NLGN1: variants seen among roughly 807,000 people sequenced by gnomAD.
The protein encoded by NLGN1 is neuroligin-1.
A neutral mutation model predicts 65.5 loss-of-function variants in NLGN1; 12 were observed. The ratio of observed to expected loss-of-function variants is 0.18; its 90% CI spans 0.12 to 0.30. The LOEUF is 0.30. Among genes scored for constraint, NLGN1 ranks in the 10% least tolerant of loss-of-function variants. The pLI is 1.00. For synonymous variants in NLGN1, 350 were observed against 359.5 expected, an observed-to-expected ratio of 0.97 and a Z score of 0.30; for missense variants, 750 against 1,007.1, an observed-to-expected ratio of 0.74 and a Z score of 3.46.
At chr3:173,642,114 A>C (rs773377764) in intron 3 of NLGN1, among the ~76,000 whole-genome samples, 2 of 152,044 alleles carry the variant, frequency 1.3e-5, no homozygotes, top group Non-Finnish European at 2.9e-5. Context: ...CAGAGACTGG[A>C]TCTACCTCTT....
At chr3:174,286,606 G>A (rs1290631695) in exon 7 of NLGN1, 3 of 151,552 alleles carry the variant, frequency 2.0e-5, no homozygotes, top group African/African-American at 2.4e-5. Context: ...CATTAAAAAC[G>A]TGTTTATTAT....
At chr3:174,103,947 C>T (rs1713144740) in intron 4 of NLGN1, among the ~76,000 whole-genome samples, 2 of 152,022 alleles carry the variant, frequency 1.3e-5, no homozygotes, top group South Asian at 4.1e-4. Flanking sequence ...ATATAGATTA[C>T]TGGCAACATT....
At chr3:173,557,332 A>G (rs1165479010) in intron 2 of NLGN1, among the ~76,000 whole-genome samples, 3 of 150,718 alleles carry the variant, frequency 2.0e-5, no homozygotes, top group East Asian at 2.1e-4. Context: ...TTTTTAACCC[A>G]TTTCTGTCTT....
At chr3:173,838,993 A>G (rs1724217036) in intron 4 of NLGN1, among the ~76,000 whole-genome samples, 1 of 151,552 alleles carries the variant, frequency 6.6e-6, no homozygotes, top group Non-Finnish European at 1.5e-5. Context: ...TCAGAAAGCC[A>G]TTTTTCGTGT....
intron 4 of NLGN1, among the ~76,000 whole-genome samples, chr3:174,133,948 TAAG>T (rs970936150): frequency 3.4e-5 from 5 of 147,900 alleles, no homozygotes; most frequent in Non-Finnish European, 7.5e-5. Flanking sequence ...TGAGCCTTTT[TAAG>T]ATTTAGAAGC....
chr3:174,124,970 T>C (rs1718629030), intron 4 of NLGN1, among the ~76,000 whole-genome samples: 1 of 151,980 alleles, frequency 6.6e-6, no homozygotes, highest in South Asian at 2.1e-4. Flanking sequence ...GGTGCAGGCT[T>C]GGGACACTTG....
intron 4 of NLGN1, among the ~76,000 whole-genome samples, chr3:173,977,052 G>T (rs1461625397): frequency 6.6e-6 from 1 of 151,508 alleles, no homozygotes; most frequent in Non-Finnish European, 1.5e-5. Flanking sequence ...AATAGTCAAA[G>T]TACTTCTTTT....
At chr3:174,247,448 G>A (rs527865244) in intron 4 of NLGN1, among the ~76,000 whole-genome samples, 4 of 152,152 alleles carry the variant, frequency 2.6e-5, no homozygotes, top group Non-Finnish European at 2.9e-5. Flanking sequence ...TCTGTTAAGA[G>A]TCTGTCTCTC....
At chr3:173,801,906 G>A (rs1284780528) in intron 3 of NLGN1, among the ~76,000 whole-genome samples, 1 of 152,056 alleles carries the variant, frequency 6.6e-6, no homozygotes, top group Non-Finnish European at 1.5e-5. Flanking sequence ...TGACATTGTA[G>A]AACATTAATT....
chr3:173,436,069 G>T (rs11914530), intron 2 of NLGN1, among the ~76,000 whole-genome samples: 3,979 of 152,196 alleles, frequency 0.026, 183 homozygotes, highest in African/African-American at 0.09. Flanking sequence ...CATGATGTAT[G>T]TTATTAGAGC....
At position 173,625,308 on chromosome 3, in the gene NLGN1, A is replaced by C. The variant is rs576489199; in HGVS notation, c.493+20217A>C. Among the ~76,000 whole-genome samples, 3 of 152,156 alleles carry C rather than the reference A, an allele frequency of 2.0e-5. No individual in the cohort carries two copies. In the East Asian group the frequency reaches 5.8e-4, roughly 29 times the overall value. ...TGTGTTTTGAGATGTGTGTGTAAGT[A>C]TTTTATGATTGTACCTAACTATTTC... is the stretch of plus-strand genomic sequence containing the variant. On this transcript the variant is annotated intron_variant, in intron 3 of 6. Coordinates refer to ENST00000457714, the Ensembl canonical transcript of NLGN1.
At chr3:174,123,318 C>T (rs1179616209) in intron 4 of NLGN1, among the ~76,000 whole-genome samples, 1 of 152,032 alleles carries the variant, frequency 6.6e-6, no homozygotes, top group Non-Finnish European at 1.5e-5. Context: ...AAGAGACAGC[C>T]GAGAGCCCAT....
intron 4 of NLGN1, among the ~76,000 whole-genome samples, chr3:174,129,399 ACT>A (rs1553940877): frequency 1.0e-4 from 14 of 140,452 alleles, no homozygotes; most frequent in African/African-American, 2.3e-4. Flanking sequence ...ACACACACAC[ACT>A]CATTCATTCA....
At chr3:174,091,589 C>A (rs1744533529) in intron 4 of NLGN1, among the ~76,000 whole-genome samples, 1 of 152,108 alleles carries the variant, frequency 6.6e-6, no homozygotes, top group African/African-American at 2.4e-5. Context: ...GATTTTTAAT[C>A]CAAAAATACT....
intron 1 of NLGN1, among the ~76,000 whole-genome samples, chr3:173,413,076 T>C (rs620028): frequency 0.68 from 103,761 of 151,818 alleles, 35,827 homozygotes; most frequent in East Asian, 0.81. Context: ...TTTCCTTCTC[T>C]TTCTGCCTTG....
chr3:173,936,935 C>T (rs1020858675), intron 4 of NLGN1, among the ~76,000 whole-genome samples: 4 of 152,016 alleles, frequency 2.6e-5, no homozygotes, highest in Admixed American at 1.3e-4. Flanking sequence ...ATAAAACAGG[C>T]TTCTTCCTTA....
chr3:174,186,889 T>C (rs1021069277), intron 4 of NLGN1, among the ~76,000 whole-genome samples: 3 of 151,960 alleles, frequency 2.0e-5, no homozygotes, highest in Admixed American at 1.3e-4. Flanking sequence ...TAGCAATTGC[T>C]AAGTACAATT....
At chr3:174,244,708 G>C (rs1743480540) in intron 4 of NLGN1, among the ~76,000 whole-genome samples, 1 of 152,148 alleles carries the variant, frequency 6.6e-6, no homozygotes, top group Admixed American at 6.6e-5. Flanking sequence ...TCTTTTAAAA[G>C]GCAAATTTAA....
chr3:174,097,335 A>T (rs997980962), intron 4 of NLGN1, among the ~76,000 whole-genome samples: 3 of 152,192 alleles, frequency 2.0e-5, no homozygotes, highest in Non-Finnish European at 4.4e-5. Context: ...GTGAATGGAT[A>T]TGAGTATCTT....
Sources: allele counts gnomAD v4.1 joint callset (sites outside exome capture counted in the v4.1 genomes callset), GRCh38; gene constraint gnomAD v4.1.1; transcripts MANE v1.5; gene names NCBI Gene and HGNC (gene_info 2026-07-23, HGNC 2026-07-21).